The following NT5E variants were observed in gnomAD, a reference collection of about 807,000 sequenced individuals.
NT5E encodes 5'-nucleotidase.
A neutral mutation model predicts 55.1 loss-of-function variants in NT5E; 53 were observed. That is an observed-to-expected ratio of 0.96 (90% CI 0.77 to 1.21). The LOEUF (loss-of-function observed/expected upper bound fraction) is 1.21. NT5E is among the 50% of genes most tolerant of loss of function. The pLI, the probability that NT5E is intolerant of heterozygous loss-of-function variation, is 0.00. For synonymous variants in NT5E, 270 were observed against 278.4 expected (o/e 0.97, Z 0.30); for missense variants, 683 against 724.3 (o/e 0.94, Z 0.65).
rs893959233 is a variant in NT5E at position 85,485,098 on chromosome 6, G to A, written c.752-137G>A. On this transcript the variant is annotated intron_variant, in intron 3 of 8. Transcript: ENST00000257770. ...TGGGCAAATGCCCAGATAGGGCTCTGAAAGACTAGCTATGTAGAGCAACAG... is the reference window on the plus strand; with the variant it reads ...TGGGCAAATGCCCAGATAGGGCTCTAAAAGACTAGCTATGTAGAGCAACAG... 20 of 815,390 alleles carry A rather than the reference G, an allele frequency of 2.5e-5. No individual in the cohort carries two copies. The African/African-American group carries it at 3.4e-4, about 14-fold the overall frequency. The allele number at this position is 815,390 out of a possible 1,614,324, so 50.5% of individuals were successfully genotyped here. A position where few individuals can be genotyped will look rare whatever the true frequency, so the allele number is the denominator to read the frequency against.
At chr6:85,465,375 T>C (rs562163130) in intron 1 of NT5E, among the ~76,000 whole-genome samples, 72 of 152,302 alleles carry the variant, frequency 4.7e-4, no homozygotes, top group South Asian at 2.7e-3. Context: ...AATAATTTTA[T>C]AGTTAAGCAA....
chr6:85,479,625 T>G (rs1015078740), intron 3 of NT5E, among the ~76,000 whole-genome samples: 1 of 152,202 alleles, frequency 6.6e-6, no homozygotes, highest in Admixed American at 6.5e-5. Context: ...TATTTATATA[T>G]CAGGAGTATA....
In NT5E at chr6:85,490,512, A is replaced by G. The variant is rs1194537302; in HGVS notation, c.1215A>G (p.Thr405=). Residue 405 remains threonine (T), a synonymous_variant, in exon 7 of 9, where the codon ACA becomes ACG. Transcript: ENST00000257770. ...CTCATCTGTGACTACCCTCAGGCAC[A>G]ATTACCTGGGAGAACCTGGCTGCTG... is the stretch of plus-strand genomic sequence containing the variant. ...RSPIDERNNG[T]ITWENLAAVL... 1 of 1,614,226 alleles carries G rather than the reference A, an allele frequency of 6.2e-7. No homozygotes were observed. Among genetic ancestry groups the G allele is most frequent in the South Asian group, 1.1e-5 (1 of 91,086 alleles).
At chr6:85,479,824 T>C (rs1449583201) in intron 3 of NT5E, among the ~76,000 whole-genome samples, 1 of 152,146 alleles carries the variant, frequency 6.6e-6, no homozygotes, top group Admixed American at 6.5e-5. Context: ...AAGGTAGCTG[T>C]GTTTCGATTA....
At chr6:85,493,776 G>A (rs923652512) in intron 8 of NT5E, 65 bp from the exon 9 acceptor site, 6 of 1,391,702 alleles carry the variant, frequency 4.3e-6, no homozygotes, top group African/African-American at 1.4e-5. Context: ...AATTACAAAG[G>A]ACTACCTTAC....
chr6:85,491,858 G>A, intron 7 of NT5E, 119 bp from the exon 8 acceptor site: 1 of 879,156 alleles, frequency 1.1e-6, no homozygotes, highest in Non-Finnish European at 1.9e-6. Context: ...ATTTCACTCA[G>A]GTTTAAACCA....
At chr6:85,483,648 G>C (rs777733216) in intron 3 of NT5E, among the ~76,000 whole-genome samples, 1 of 152,152 alleles carries the variant, frequency 6.6e-6, no homozygotes. Flanking sequence ...CTTGTGAAGC[G>C]TTGGTATTTG....
Position 85,487,481 on chromosome 6 carries a change from G to C in NT5E, c.1096G>C (p.Asp366His), listed in dbSNP as rs760080092. 1 of 1,614,192 alleles carries C rather than the reference G, an allele frequency of 6.2e-7. No individual in the cohort carries two copies. The highest frequency in any genetic ancestry group is 1.1e-5 in the South Asian group (1 of 91,082). The change falls in exon 5 of 9, where the codon GAT becomes CAT. Residue 366 changes from aspartate (D) to histidine (H), a missense_variant. Transcript: ENST00000257770. ...ATGCAACATGGGCAACCTGATTTGT[G>C]ATGCAATGGTAAGTCATCAGCAGGA... is the stretch of plus-strand genomic sequence containing the variant. ...RECNMGNLIC[D>H]AMINNNLRHT...
At chr6:85,454,088 T>C (rs985430173) in intron 1 of NT5E, among the ~76,000 whole-genome samples, 3 of 152,188 alleles carry the variant, frequency 2.0e-5, no homozygotes, top group Admixed American at 2.0e-4. Flanking sequence ...ATTTTACCCA[T>C]CTCCACGTAT....
At chr6:85,475,011 T>C (rs1330836279) in intron 3 of NT5E, among the ~76,000 whole-genome samples, 1 of 152,192 alleles carries the variant, frequency 6.6e-6, no homozygotes, top group East Asian at 1.9e-4. Context: ...CCTGTTTAAA[T>C]AAACTTTCCT....
chr6:85,471,394 G>A lies in NT5E; in HGVS notation c.720G>A (p.Val240=). 9 of 1,612,910 alleles carry A rather than the reference G, an allele frequency of 5.6e-6. No homozygotes were observed. Among genetic ancestry groups the A allele is most frequent in the Non-Finnish European group, 7.6e-6 (9 of 1,179,222 alleles). Residue 240 remains valine, a synonymous_variant, in exon 3 of 9, where the codon GTG becomes GTA. Coordinates refer to ENST00000257770, the MANE Select transcript of NT5E (RefSeq NM_002526.4). Reference sequence around the variant, plus strand: ...AAGTGAGGGGTGTGGACGTCGTGGTGGGAGGACACTCCAACACATTTCTTT... The same window carrying A: ...AAGTGAGGGGTGTGGACGTCGTGGTAGGAGGACACTCCAACACATTTCTTT... The part of the protein sequence containing the change: ...AQKVRGVDVV[V]GGHSNTFLYT...
intron 8 of NT5E, among the ~76,000 whole-genome samples, 161 bp downstream of exon 8, chr6:85,492,338 T>C (rs1467658584): frequency 1.3e-5 from 2 of 152,194 alleles, no homozygotes; most frequent in Non-Finnish European, 2.9e-5. Flanking sequence ...GAGAGGAATA[T>C]GTACCCTGTC....
intron 1 of NT5E, among the ~76,000 whole-genome samples, chr6:85,460,808 G>T (rs756328552): frequency 2.0e-5 from 3 of 152,208 alleles, no homozygotes; most frequent in Non-Finnish European, 2.9e-5. Context: ...CACGTGGTGT[G>T]AGAGCAGGTC....
chr6:85,471,213 C>A (rs765990212), intron 2 of NT5E, 24 bp from the exon 3 acceptor site: 1 of 1,486,700 alleles, frequency 6.7e-7, no homozygotes, highest in Non-Finnish European at 9.3e-7. Context: ...AATAAATATC[C>A]ATTTTATTTA....
chr6:85,471,985 C>T (rs1431523483), intron 3 of NT5E, among the ~76,000 whole-genome samples: 2 of 152,298 alleles, frequency 1.3e-5, no homozygotes, highest in Non-Finnish European at 2.9e-5. Context: ...TACCCACTAC[C>T]TGACTACCCC....
At chr6:85,478,772 A>G (rs1292685206) in intron 3 of NT5E, among the ~76,000 whole-genome samples, 1 of 151,470 alleles carries the variant, frequency 6.6e-6, no homozygotes, top group African/African-American at 2.4e-5. Flanking sequence ...GAACTGACAT[A>G]TTTATCTTAG....
At position 85,490,625 on chromosome 6, in the gene NT5E, GCCAGT is replaced by G; in HGVS notation, c.1332_1336del (p.Gln444HisfsTer15). Reference sequence around the variant, plus strand: ...TTTGAGCATAGCGTGCACCGCTACGGCCAGTCCACTGGAGAGTTCCTGCAGGTGGG... The same window carrying G: ...TTTGAGCATAGCGTGCACCGCTACGGCCACTGGAGAGTTCCTGCAGGTGGG... On this transcript the variant is annotated frameshift_variant, in exon 7 of 9. Coordinates refer to ENST00000257770, the MANE Select transcript of NT5E (RefSeq NM_002526.4). LOFTEE classifies it high-confidence loss of function. The G allele has an allele frequency of 6.2e-7, 1 of 1,614,166 alleles. No individual in the cohort carries two copies. Among genetic ancestry groups the G allele is most frequent in the Non-Finnish European group, 8.5e-7 (1 of 1,180,020 alleles).
chr6:85,470,970 C>T (rs1769292217), intron 2 of NT5E, among the ~76,000 whole-genome samples: 1 of 152,150 alleles, frequency 6.6e-6, no homozygotes, highest in African/African-American at 2.4e-5. Flanking sequence ...ATATCTGAAG[C>T]CTCCTCACAG....
chr6:85,482,016 G>C (rs1769560698), intron 3 of NT5E, among the ~76,000 whole-genome samples: 1 of 152,156 alleles, frequency 6.6e-6, no homozygotes, highest in Non-Finnish European at 1.5e-5. Flanking sequence ...TCCAAGGAGT[G>C]TACACTTCTA....
Sources: gnomAD v4.1 joint callset for allele counts (sites outside exome capture counted in the v4.1 genomes callset) on GRCh38, gnomAD v4.1.1 for gene constraint, MANE v1.5 for transcripts, NCBI Gene and HGNC (gene_info 2026-07-23, HGNC 2026-07-21) for gene names.